Variants in MGAT5 observed in about 807,000 individuals in gnomAD.
The protein encoded by MGAT5 is alpha-1,6-mannosylglycoprotein 6-beta-N-acetylglucosaminyltransferase A.
In MGAT5, 30 loss-of-function variants were observed where a neutral mutation model predicts 94.3. The ratio of observed to expected loss-of-function variants is 0.32; its 90% confidence interval spans 0.24 to 0.43. The LOEUF (loss-of-function observed/expected upper bound fraction) is 0.43. MGAT5 is among the 20% of genes least tolerant of loss of function. MGAT5 has a pLI of 1.00. For synonymous variants in MGAT5, 310 were observed against 322.9 expected (o/e 0.96, Z 0.43); for missense variants, 691 against 905.5 (o/e 0.76, Z 3.04).
chr2:134,323,244 T>C (rs1363043960), intron 4 of MGAT5, among the ~76,000 whole-genome samples: 1 of 152,176 alleles, frequency 6.6e-6, no homozygotes, highest in African/African-American at 2.4e-5. Flanking sequence ...TGTCTGACGC[T>C]GTACTAGAGA....
chr2:134,154,210 TG>T (rs1442778741), intron 1 of MGAT5, among the ~76,000 whole-genome samples: 6 of 152,158 alleles, frequency 3.9e-5, no homozygotes, highest in Non-Finnish European at 8.8e-5. Flanking sequence ...AGGGAACGGA[TG>T]GCACGCAGGA....
intron 9 of MGAT5, among the ~76,000 whole-genome samples, chr2:134,353,902 A>G (rs1006477187): frequency 6.6e-6 from 1 of 152,166 alleles, no homozygotes; most frequent in Non-Finnish European, 1.5e-5. Context: ...CAAAAAAAAA[A>G]AATAGTTCCT....
chr2:134,340,829 G>A (rs1435539526), intron 6 of MGAT5, among the ~76,000 whole-genome samples: 1 of 152,126 alleles, frequency 6.6e-6, no homozygotes, highest in Non-Finnish European at 1.5e-5. Context: ...CCTGTACATT[G>A]TTTTCTATGA....
intron 1 of MGAT5, among the ~76,000 whole-genome samples, chr2:134,122,452 A>C (rs574816056): frequency 8.3e-4 from 126 of 152,022 alleles, no homozygotes; most frequent in African/African-American, 2.9e-3. Flanking sequence ...TTTCCAGTTT[A>C]GTTTTTTTCT....
chr2:134,326,931 C>T (rs1687679790), intron 4 of MGAT5, among the ~76,000 whole-genome samples: 1 of 152,032 alleles, frequency 6.6e-6, no homozygotes, highest in African/African-American at 2.4e-5. Context: ...GAAGTGCAGT[C>T]GCCCTGGAGT....
At chr2:134,356,120 C>A (rs1421431122) in intron 9 of MGAT5, among the ~76,000 whole-genome samples, 1 of 152,188 alleles carries the variant, frequency 6.6e-6, no homozygotes, top group East Asian at 1.9e-4. Flanking sequence ...AATGTGAAGA[C>A]ACACAAGAAT....
chr2:134,162,606 A>G (rs1410189913), intron 1 of MGAT5, among the ~76,000 whole-genome samples: 2 of 152,252 alleles, frequency 1.3e-5, no homozygotes, highest in Non-Finnish European at 2.9e-5. Flanking sequence ...AAGGTCCCAC[A>G]GTTAGGATCT....
intron 1 of MGAT5, among the ~76,000 whole-genome samples, chr2:134,234,791 C>T (rs929268591): frequency 1.3e-5 from 2 of 152,176 alleles, no homozygotes; most frequent in African/African-American, 4.8e-5. Flanking sequence ...TTAGAAAGTC[C>T]AGAATAGTTG....
At chr2:134,313,407 G>A (rs1028952771) in intron 2 of MGAT5, among the ~76,000 whole-genome samples, 9 of 152,148 alleles carry the variant, frequency 5.9e-5, no homozygotes, top group African/African-American at 2.2e-4. Context: ...GACTGATAAA[G>A]CAACAGAATT....
At chr2:134,206,555 C>A (rs751866673) in intron 1 of MGAT5, among the ~76,000 whole-genome samples, 1 of 152,130 alleles carries the variant, frequency 6.6e-6, no homozygotes, top group Non-Finnish European at 1.5e-5. Context: ...TAGGCTAACA[C>A]CCTCCAGGTG....
intron 4 of MGAT5, among the ~76,000 whole-genome samples, chr2:134,327,967 T>C (rs1247485570): frequency 6.6e-6 from 1 of 152,146 alleles, no homozygotes. Context: ...TACAGACCAG[T>C]TGGGACCAGT....
intron 2 of MGAT5, among the ~76,000 whole-genome samples, chr2:134,299,921 A>C (rs566818210): frequency 6.6e-6 from 1 of 152,220 alleles, no homozygotes; most frequent in South Asian, 2.1e-4. Flanking sequence ...ACTCACCTTG[A>C]ATATAACTCT....
intron 1 of MGAT5, among the ~76,000 whole-genome samples, chr2:134,232,938 C>A (rs1049620163): frequency 2.4e-4 from 36 of 152,296 alleles, no homozygotes; most frequent in African/African-American, 7.9e-4. Flanking sequence ...GCCAAGAATA[C>A]ATTTGAGTAA....
intron 10 of MGAT5, among the ~76,000 whole-genome samples, chr2:134,396,073 G>A (rs1195619686): frequency 2.0e-5 from 3 of 152,204 alleles, no homozygotes; most frequent in African/African-American, 7.2e-5. Context: ...CAATCATTGA[G>A]CACCATCTTT....
chr2:134,324,622 T>G (rs1314085341), intron 4 of MGAT5, among the ~76,000 whole-genome samples: 1 of 152,086 alleles, frequency 6.6e-6, no homozygotes, highest in African/African-American at 2.4e-5. Flanking sequence ...ATTTATGAGC[T>G]GTGTTGGCTG....
chr2:134,262,383 A>G (rs1683394108), intron 1 of MGAT5, among the ~76,000 whole-genome samples: 1 of 152,180 alleles, frequency 6.6e-6, no homozygotes, highest in South Asian at 2.1e-4. Flanking sequence ...GACTATAGGC[A>G]TGTGCCACCA....
At chr2:134,435,104 A>C (rs1186156166) in intron 14 of MGAT5, among the ~76,000 whole-genome samples, 1 of 152,142 alleles carries the variant, frequency 6.6e-6, no homozygotes, top group Non-Finnish European at 1.5e-5. Flanking sequence ...TTGCTCCTGC[A>C]GTCTGTTCCC....
chr2:134,407,567 T>C (rs965549010), intron 11 of MGAT5, among the ~76,000 whole-genome samples: 3 of 152,166 alleles, frequency 2.0e-5, no homozygotes, highest in African/African-American at 7.2e-5. Context: ...CTCATAGTAT[T>C]TATTCTTTTA....
chr2:134,330,767 CATTT>C (rs1462082522), intron 4 of MGAT5, among the ~76,000 whole-genome samples: 1 of 152,064 alleles, frequency 6.6e-6, no homozygotes, highest in African/African-American at 2.4e-5. Flanking sequence ...GCATTTCTCT[CATTT>C]AGTTTTGATT....
Sources: allele counts gnomAD v4.1 joint callset (sites outside exome capture counted in the v4.1 genomes callset), GRCh38; gene constraint gnomAD v4.1.1; transcripts MANE v1.5; gene names NCBI Gene and HGNC (gene_info 2026-07-23, HGNC 2026-07-21).